UNC5D: variants seen among roughly 807,000 people sequenced by gnomAD.
UNC5D encodes the protein netrin receptor UNC5D.
A neutral mutation model predicts 105.4 loss-of-function variants in UNC5D; 39 were observed. The observed-to-expected ratio is 0.37, with a 90% CI of 0.29 to 0.48. The LOEUF is 0.48. Ranked by LOEUF, UNC5D falls within the 20% of genes least tolerant of loss-of-function variation. The pLI, the probability that UNC5D is intolerant of heterozygous loss-of-function variation, is 0.98. For missense variants in UNC5D, 991 were observed against 1,202.4 expected (o/e 0.82, Z 2.60); for synonymous variants, 452 against 450.4 (o/e 1.00, Z -0.04).
chr8:35,352,835 A>G (rs1236678913), intron 1 of UNC5D, among the ~76,000 whole-genome samples: 2 of 151,716 alleles, frequency 1.3e-5, no homozygotes, highest in African/African-American at 4.8e-5. Flanking sequence ...CTGGTCTCAG[A>G]CTCCTGATAT....
chr8:35,512,569 A>ATATCTATC (rs539399345), intron 1 of UNC5D, among the ~76,000 whole-genome samples: 1 of 64,840 alleles, frequency 1.5e-5, no homozygotes, highest in Non-Finnish European at 2.6e-5. Flanking sequence ...ATATATATAT[A>ATATCTATC]TCTGAATAGA....
At chr8:35,365,584 T>G (rs1298896548) in intron 1 of UNC5D, among the ~76,000 whole-genome samples, 1 of 55,224 alleles carries the variant, frequency 1.8e-5, no homozygotes. Context: ...TTTCATGCCA[T>G]CCCCTGCAAA....
At chr8:35,296,134 G>A (rs939976018) in intron 1 of UNC5D, among the ~76,000 whole-genome samples, 4 of 152,206 alleles carry the variant, frequency 2.6e-5, no homozygotes, top group Admixed American at 2.0e-4. Flanking sequence ...TGGAAGTACA[G>A]ATACCTCTTT....
intron 4 of UNC5D, among the ~76,000 whole-genome samples, chr8:35,661,542 T>C (rs1824104886): frequency 6.6e-6 from 1 of 152,198 alleles, no homozygotes; most frequent in Non-Finnish European, 1.5e-5. Context: ...TTCCTGGCCT[T>C]GTCCTGCTTT....
intron 1 of UNC5D, among the ~76,000 whole-genome samples, chr8:35,353,247 A>T (rs940017733): frequency 1.1e-4 from 16 of 152,212 alleles, no homozygotes; most frequent in Middle Eastern, 3.2e-3. Flanking sequence ...ATAGCATAAG[A>T]ATATGAGCCA....
intron 1 of UNC5D, among the ~76,000 whole-genome samples, chr8:35,249,082 G>C (rs1308102357): frequency 2.7e-5 from 3 of 111,056 alleles, no homozygotes; most frequent in Non-Finnish European, 5.1e-5. Flanking sequence ...ATATATAAAA[G>C]TTATATATAA....
At chr8:35,438,285 A>G (rs1257206834) in intron 1 of UNC5D, among the ~76,000 whole-genome samples, 3 of 152,030 alleles carry the variant, frequency 2.0e-5, no homozygotes, top group Non-Finnish European at 4.4e-5. Context: ...CACCTAACTC[A>G]TTTGTATAAT....
chr8:35,660,277 G>C (rs917492904), intron 4 of UNC5D, among the ~76,000 whole-genome samples: 6 of 152,182 alleles, frequency 3.9e-5, no homozygotes, highest in African/African-American at 1.4e-4. Flanking sequence ...GTTTTGCCTA[G>C]AGCTGGTCTT....
chr8:35,376,341 G>T (rs1802698399), intron 1 of UNC5D, among the ~76,000 whole-genome samples: 1 of 152,178 alleles, frequency 6.6e-6, no homozygotes, highest in African/African-American at 2.4e-5. Context: ...CCACAGGCCA[G>T]AGAGAATTTT....
At chr8:35,789,303 G>A (rs548223011) in intron 16 of UNC5D, among the ~76,000 whole-genome samples, 1 of 149,654 alleles carries the variant, frequency 6.7e-6, no homozygotes, top group African/African-American at 2.4e-5. Context: ...CATGACTGAG[G>A]AACTAGAATG....
intron 1 of UNC5D, among the ~76,000 whole-genome samples, chr8:35,456,085 G>C (rs1050357623): frequency 6.6e-6 from 1 of 152,132 alleles, no homozygotes; most frequent in Non-Finnish European, 1.5e-5. Context: ...GCCTAATTCA[G>C]ATAATTTTTA....
intron 2 of UNC5D, among the ~76,000 whole-genome samples, chr8:35,553,290 A>G (rs1185447879): frequency 2.0e-5 from 3 of 151,864 alleles, no homozygotes. Flanking sequence ...ACTCCATGTC[A>G]TGTGGATAGC....
At chr8:35,295,463 C>T (rs969697177) in intron 1 of UNC5D, among the ~76,000 whole-genome samples, 1 of 152,072 alleles carries the variant, frequency 6.6e-6, no homozygotes, top group Admixed American at 6.5e-5. Flanking sequence ...ACTCACACAG[C>T]TCAGGCCTGT....
At chr8:35,396,763 G>T (rs1267936398) in intron 1 of UNC5D, among the ~76,000 whole-genome samples, 10 of 150,814 alleles carry the variant, frequency 6.6e-5, no homozygotes, top group Admixed American at 4.0e-4. Context: ...CTCCCAAAGT[G>T]CTAGGATTAC....
intron 6 of UNC5D, among the ~76,000 whole-genome samples, chr8:35,685,113 A>G (rs1825921135): frequency 6.6e-6 from 1 of 152,222 alleles, no homozygotes; most frequent in Non-Finnish European, 1.5e-5. Flanking sequence ...CAGGGATTAG[A>G]TAAGTTGTCT....
At chr8:35,661,895 C>A (rs953572479) in intron 4 of UNC5D, among the ~76,000 whole-genome samples, 5 of 152,250 alleles carry the variant, frequency 3.3e-5, no homozygotes, top group African/African-American at 2.4e-5. Context: ...ATCAGTGAAA[C>A]CTGGGACTGT....
chr8:35,428,947 G>A (rs1476587149), intron 1 of UNC5D, among the ~76,000 whole-genome samples: 1 of 152,098 alleles, frequency 6.6e-6, no homozygotes. Context: ...AATCTAATAT[G>A]TTAATTGATT....
intron 4 of UNC5D, among the ~76,000 whole-genome samples, chr8:35,596,797 T>G (rs550934512): frequency 6.6e-6 from 1 of 152,190 alleles, no homozygotes; most frequent in Admixed American, 6.5e-5. Context: ...AAGGATGCGA[T>G]CAGATATGCA....
At chr8:35,733,954 G>T (rs773152369) in intron 11 of UNC5D, among the ~76,000 whole-genome samples, 19 of 151,926 alleles carry the variant, frequency 1.3e-4, no homozygotes, top group Non-Finnish European at 1.5e-4. Context: ...TTCTATAGAG[G>T]TTTGAGGGGT....
Sources: gnomAD v4.1 joint callset for allele counts (sites outside exome capture counted in the v4.1 genomes callset) on GRCh38, gnomAD v4.1.1 for gene constraint, MANE v1.5 for transcripts, NCBI Gene and HGNC (gene_info 2026-07-23, HGNC 2026-07-21) for gene names.